LRP1: variants seen among roughly 807,000 people sequenced by gnomAD.
LRP1 encodes LDL receptor related protein 1, also known as prolow-density lipoprotein receptor-related protein 1.
In LRP1, 51 loss-of-function variants were observed where a neutral mutation model predicts 541.5. The ratio of observed to expected loss-of-function variants is 0.09; its 90% CI spans 0.08 to 0.12. LRP1 has a LOEUF of 0.12. Among genes scored for constraint, LRP1 ranks in the 10% least tolerant of loss-of-function variants. The probability of loss-of-function intolerance (pLI) is 1.00; values close to 1 mark genes in which losing one functional copy is unlikely to be tolerated. For synonymous variants in LRP1, 2,219 were observed against 2,470.8 expected, an observed-to-expected ratio of 0.90 and a Z score of 3.02; for missense variants, 3,878 against 6,376.2, an observed-to-expected ratio of 0.61 and a Z score of 13.34.
chr12:57,201,445 A>G lies in LRP1; in HGVS notation c.10346-52A>G. On this transcript the variant is annotated intron_variant, in intron 65 of 88. Transcript: ENST00000243077. The surrounding 1 kb of genome is among the most constrained non-coding windows in gnomAD (Gnocchi z 6.4). ...AAGAGAGAGAAGACAGTGATGGTGA[A>G]CTGGAGTGGCAGGTGTAAGGGAGGG... The G allele has an allele frequency of 6.4e-7, 1 of 1,564,866 alleles. No individual in the cohort carries two copies. The highest frequency in any genetic ancestry group is 2.3e-5 in the East Asian group (1 of 44,370).
intron 6 of LRP1, among the ~76,000 whole-genome samples, chr12:57,148,644 G>T (rs1201367477): frequency 6.6e-6 from 1 of 152,242 alleles, no homozygotes; most frequent in Non-Finnish European, 1.5e-5. Context: ...ACTGTAGAAA[G>T]AATGAGGCAG....
chr12:57,149,062 C>T (rs1014789240), intron 6 of LRP1: 1 of 591,602 alleles, frequency 1.7e-6, no homozygotes, highest in Non-Finnish European at 3.0e-6. Context: ...GACAGCAGTC[C>T]CTCTGAGTCT....
chr12:57,182,683 G>T lies in LRP1; in HGVS notation c.5663-696G>T, dbSNP rs370250819. 3.3e-5 allele frequency among the ~76,000 whole-genome samples: 5 copies of T among 152,130 alleles called. No homozygotes were observed. The East Asian group carries it at 7.7e-4, about 23-fold the overall frequency. On this transcript the variant is annotated intron_variant, in intron 34 of 88. Coordinates refer to ENST00000243077, the MANE Select transcript of LRP1 (RefSeq NM_002332.3). ...AATACAAAATTAGCCGGGCATGGTG[G>T]TGCATGCCTGTAATCCCAGCTACTC... is the stretch of plus-strand genomic sequence containing the variant.
chr12:57,211,285 C>G lies in LRP1; in HGVS notation c.13026C>G (p.Asn4342Lys). 6.2e-7 allele frequency: 1 copy of G among 1,614,214 alleles called. No homozygotes were observed. The highest frequency in any genetic ancestry group is 8.5e-7 in the Non-Finnish European group (1 of 1,180,036). Reference sequence around the variant, plus strand: ...TTGAGGGATCGAGGTGTGAGGTGAACAAGTGCAGCCGCTGTCTCGAAGGGG... The same window carrying G: ...TTGAGGGATCGAGGTGTGAGGTGAAGAAGTGCAGCCGCTGTCTCGAAGGGG... ...AYFEGSRCEVNKCSRCLEGAC... is the reference protein window; with the variant it reads ...AYFEGSRCEVKKCSRCLEGAC... Residue 4342 changes from asparagine to lysine, a missense_variant, in exon 84 of 89, where the codon AAC becomes AAG. Asn to Lys is a moderately conservative substitution (Grantham distance 94). Transcript: ENST00000243077. This position sits in a 1 kb window ranked among gnomAD's most constrained non-coding sequence, Gnocchi z 4.3.
In LRP1 at chr12:57,165,956, C is replaced by T. The variant is rs780739973; in HGVS notation, c.2671+11C>T. On this transcript the variant is annotated intron_variant, in intron 16 of 88. Transcript: ENST00000243077. This position sits in a 1 kb window ranked among gnomAD's most constrained non-coding sequence, Gnocchi z 4.5. ...CCCCAGCCCTCTGCCGTGAGTCACA[C>T]GCCCTGCCCCACCCTGTTGGATGGC... 5.6e-6 allele frequency: 9 copies of T among 1,613,828 alleles called. No homozygotes were observed. Among genetic ancestry groups the T allele is most frequent in the East Asian group, 4.5e-5 (2 of 44,872 alleles).
chr12:57,208,470 C>G (rs1433726963), intron 77 of LRP1: 2 of 595,920 alleles, frequency 3.4e-6, no homozygotes, highest in Non-Finnish European at 6.0e-6. Context: ...CAGCCACACT[C>G]TGCCCTGGGG....
At chr12:57,192,718 G>C in intron 44 of LRP1, 127 bp from the exon 45 acceptor site, 1 of 1,329,714 alleles carries the variant, frequency 7.5e-7, no homozygotes, top group Non-Finnish European at 1.1e-6. Flanking sequence ...GCTGCAAGCC[G>C]CTGTGCCTGC....
In LRP1 at chr12:57,206,183, A is replaced by T. The variant is rs116835175; in HGVS notation, c.11591-290A>T. Among the ~76,000 whole-genome samples the T allele has an allele frequency of 6.6e-3, 1,003 of 152,306 alleles. 8 individuals are homozygous for T. Among genetic ancestry groups the T allele is most frequent in the African/African-American group, 0.023 (958 of 41,564 alleles). ...GCAGTTTGTAGCAGAGAGCGTGGTG[A>T]TGCCATCCAGCAGCCGTGAGGAGGT... On this transcript the variant is annotated intron_variant, in intron 75 of 88. Transcript: ENST00000243077. This position sits in a 1 kb window ranked among gnomAD's most constrained non-coding sequence, Gnocchi z 4.7.
rs199696615 is a variant in LRP1 at position 57,199,427 on chromosome 12, C to T, written c.9865+27C>T. The T allele has an allele frequency of 2.3e-3, 3,712 of 1,596,126 alleles. 9 individuals are homozygous for T. The highest frequency in any genetic ancestry group is 2.9e-3 in the Non-Finnish European group (3,358 of 1,172,048). ...TGAGCAGGCAAGGGGTGGGAGCAGG[C>T]GAACGGTGAGCCAGGCACCGGGGTC... On this transcript the variant is annotated intron_variant, in intron 61 of 88. Transcript: ENST00000243077.
At chr12:57,153,545 T>C (rs2035564738) in intron 6 of LRP1, among the ~76,000 whole-genome samples, 1 of 152,096 alleles carries the variant, frequency 6.6e-6, no homozygotes, top group South Asian at 2.1e-4. Context: ...CCCCACCTCT[T>C]CTGACCCTCC....
At chr12:57,139,647 C>T (rs916437842) in intron 2 of LRP1, among the ~76,000 whole-genome samples, 9 of 152,170 alleles carry the variant, frequency 5.9e-5, no homozygotes, top group Admixed American at 1.3e-4. Flanking sequence ...TCATACCCCC[C>T]GGACTCATAA....
intron 41 of LRP1, among the ~76,000 whole-genome samples, chr12:57,186,752 A>C (rs2036278730): frequency 6.6e-6 from 1 of 152,224 alleles, no homozygotes; most frequent in African/African-American, 2.4e-5. Flanking sequence ...ATACCACAGC[A>C]TGGCCCTTTG....
chr12:57,180,650 C>T lies in LRP1; in HGVS notation c.5387-17C>T. On this transcript the variant is annotated splice_polypyrimidine_tract_variant and intron_variant, in intron 32 of 88. Transcript: ENST00000243077. The stretch of plus-strand genomic sequence containing the variant: ...GTGGGGCCTTCCCAAGGGTCTCATC[C>T]CCTCCTGCTGCCCCAGGGGACAAGC... 1 of 1,613,838 alleles carries T rather than the reference C, an allele frequency of 6.2e-7. No homozygotes were observed. The highest frequency in any genetic ancestry group is 8.5e-7 in the Non-Finnish European group (1 of 1,179,784).
chr12:57,200,776 G>A lies in LRP1; in HGVS notation c.10186G>A (p.Asp3396Asn). The A allele has an allele frequency of 6.2e-7, 1 of 1,613,922 alleles. No individual in the cohort carries two copies. The highest frequency in any genetic ancestry group is 8.5e-7 in the Non-Finnish European group (1 of 1,180,034). ...CTNPAFICDG[D>N]NDCQDNSDEA... ...AAACCCTGCCTTCATCTGCGATGGC[G>A]ACAATGACTGCCAGGACAACAGTGA... The change falls in exon 64 of 89, where the codon GAC becomes AAC. Residue 3396 changes from aspartate to asparagine, a missense_variant. Around this residue, in one of 13 missense-constraint regions of LRP1, gnomAD observed 278 missense variants for 536.3 expected, o/e 0.52. Coordinates refer to ENST00000243077, the MANE Select transcript of LRP1 (RefSeq NM_002332.3).
chr12:57,199,639 C>T (rs561686668), intron 61 of LRP1, among the ~76,000 whole-genome samples: 6 of 152,260 alleles, frequency 3.9e-5, no homozygotes, highest in African/African-American at 1.2e-4. Context: ...TCTGGGTGCC[C>T]AGCCCCCAGA....
chr12:57,181,336 C>T, intron 34 of LRP1, 45 bp downstream of exon 34: 1 of 1,579,346 alleles, frequency 6.3e-7, no homozygotes. Context: ...GCTCCCCAAC[C>T]CTGACCCCTC....
rs779968122 is a variant in LRP1 at position 57,192,863 on chromosome 12, G to A, written c.7448G>A (p.Arg2483Gln). 3.7e-5 allele frequency: 59 copies of A among 1,613,984 alleles called. No homozygotes were observed. The highest frequency in any genetic ancestry group is 4.6e-5 in the Non-Finnish European group (54 of 1,180,026). Residue 2483 changes from arginine (R) to glutamine (Q), a missense_variant, in exon 45 of 89, where the codon CGA (arginine) becomes CAA (glutamine). Arg to Gln is a conservative substitution (Grantham distance 43). Transcript: ENST00000243077. The stretch of plus-strand genomic sequence containing the variant: ...TGCTCAGGTGAACTCTCTCCATGCC[G>A]AATCAACAACGGTGGCTGCCAGGAC... ...DTNSCELSPC[R>Q]INNGGCQDLC...
In LRP1 at chr12:57,185,130, G is replaced by T. The variant is rs1258792384; in HGVS notation, c.6388G>T (p.Asp2130Tyr). The change falls in exon 40 of 89, where the codon GAC becomes TAC. Residue 2130 changes from aspartate (D) to tyrosine (Y), a missense_variant. Physicochemically the swap from Asp to Tyr is radical, Grantham distance 160. Coordinates refer to ENST00000243077, the MANE Select transcript of LRP1 (RefSeq NM_002332.3). The surrounding 1 kb of genome is among the most constrained non-coding windows in gnomAD (Gnocchi z 4.9). ...GCGCGGGAGCAAAGACAATGCCACAGACTCCGTGCCCCTGCGAACCGGCAT... is the reference window on the plus strand; with the variant it reads ...GCGCGGGAGCAAAGACAATGCCACATACTCCGTGCCCCTGCGAACCGGCAT... ...IKRGSKDNAT[D>Y]SVPLRTGIGV... The T allele has an allele frequency of 1.2e-6, 2 of 1,614,178 alleles. No individual in the cohort carries two copies. The highest frequency in any genetic ancestry group is 3.3e-5 in the Admixed American group (2 of 60,014).
intron 6 of LRP1, chr12:57,147,515 C>T (rs1418850852): frequency 6.6e-6 from 1 of 152,326 alleles, no homozygotes; most frequent in Non-Finnish European, 1.5e-5. Context: ...CCCCTGCTTT[C>T]ACTCTGCCCT....
Sources: gnomAD v4.1 joint callset for allele counts (sites outside exome capture counted in the v4.1 genomes callset) on GRCh38, gnomAD v4.1.1 for gene constraint, gnomAD v4.1.1 regional missense constraint, Gnocchi (gnomAD v3.1) non-coding constraint, MANE v1.5 for transcripts, NCBI Gene and HGNC (gene_info 2026-07-23, HGNC 2026-07-21) for gene names.